NETO2: variants seen among roughly 807,000 people sequenced by gnomAD.
The protein encoded by NETO2 is neuropilin and tolloid like 2, also known as neuropilin and tolloid-like protein 2.
NETO2 carries 28 observed loss-of-function variants against 62.5 expected under a neutral mutation model. That is an observed-to-expected ratio of 0.45 (90% confidence interval 0.33 to 0.61). The LOEUF (loss-of-function observed/expected upper bound fraction) is 0.61, where lower values mean the gene tolerates loss of function less well. Among genes scored for constraint, NETO2 ranks in the 20% least tolerant of loss-of-function variants. NETO2 has a pLI of 0.02. For synonymous variants in NETO2, 214 were observed against 219.1 expected, an observed-to-expected ratio of 0.98 and a Z score of 0.21; for missense variants, 548 against 643.2, an observed-to-expected ratio of 0.85 and a Z score of 1.60.
chr16:47,142,766 A>G (rs1964486160), intron 1 of NETO2, among the ~76,000 whole-genome samples: 1 of 152,228 alleles, frequency 6.6e-6, no homozygotes. Flanking sequence ...ATAAATTTTC[A>G]TCTAAATTAC....
intron 7 of NETO2, among the ~76,000 whole-genome samples, chr16:47,106,565 T>C (rs1188005035): frequency 2.0e-5 from 3 of 152,172 alleles, no homozygotes; most frequent in African/African-American, 7.2e-5. Flanking sequence ...ATCCCACTTC[T>C]AGGAATTTAT....
At chr16:47,116,899 G>C (rs893838037) in intron 6 of NETO2, among the ~76,000 whole-genome samples, 6 of 152,164 alleles carry the variant, frequency 3.9e-5, no homozygotes, top group Non-Finnish European at 5.9e-5. Context: ...TTCTGGCATA[G>C]AGCTGTTCCC....
intron 4 of NETO2, among the ~76,000 whole-genome samples, chr16:47,126,975 A>G (rs1359535171): frequency 2.0e-5 from 3 of 152,354 alleles, no homozygotes; most frequent in South Asian, 4.1e-4. Flanking sequence ...TAATAAAGTT[A>G]TATGTGTACC....
intron 8 of NETO2, among the ~76,000 whole-genome samples, chr16:47,085,409 T>C (rs1466493186): frequency 1.3e-5 from 2 of 152,078 alleles, no homozygotes; most frequent in African/African-American, 4.8e-5. Flanking sequence ...AGACGGAGTT[T>C]TCACTTTTGT....
intron 8 of NETO2, among the ~76,000 whole-genome samples, chr16:47,085,111 C>T (rs759963489): frequency 2.6e-5 from 4 of 152,112 alleles, no homozygotes; most frequent in Non-Finnish European, 5.9e-5. Flanking sequence ...AGACATTCAA[C>T]CATTACCACA....
intron 7 of NETO2, among the ~76,000 whole-genome samples, chr16:47,097,504 A>C (rs1002712544): frequency 1.8e-4 from 27 of 152,230 alleles, no homozygotes; most frequent in Non-Finnish European, 3.1e-4. Flanking sequence ...CATCTCTGAA[A>C]GAAAGGCAGC....
intron 7 of NETO2, among the ~76,000 whole-genome samples, chr16:47,096,477 G>A (rs1963429633): frequency 6.6e-6 from 1 of 152,132 alleles, no homozygotes; most frequent in Non-Finnish European, 1.5e-5. Context: ...CTACAGATCT[G>A]ACGTATATAA....
chr16:47,088,909 C>T (rs931771106), intron 7 of NETO2, among the ~76,000 whole-genome samples: 3 of 152,274 alleles, frequency 2.0e-5, no homozygotes, highest in Middle Eastern at 3.4e-3. Context: ...AACTCCAAAA[C>T]ATAATCTGAC....
chr16:47,138,552 C>T lies in NETO2; in HGVS notation c.34+5027G>A, dbSNP rs530333371. ...TTAGTCACATGGTCACCTAAACCAA[C>T]AGGAAACTGGTAAATAGTCTTCATT... On this transcript the variant is annotated intron_variant, in intron 1 of 8. Coordinates refer to ENST00000562435, the MANE Select transcript of NETO2 (RefSeq NM_018092.5). 2.2e-3 allele frequency among the ~76,000 whole-genome samples: 333 copies of T among 152,344 alleles called. 1 individual carries two copies. Among genetic ancestry groups the T allele is most frequent in the African/African-American group, 7.7e-3 (322 of 41,576 alleles).
Position 47,110,352 on chromosome 16 carries a change from T to TTTTA in NETO2, c.655-645_655-642dup, listed in dbSNP as rs1171817451. Among the ~76,000 whole-genome samples the TTTTA allele has an allele frequency of 2.0e-5, 3 of 152,334 alleles. No individual in the cohort carries two copies. In the South Asian group the frequency reaches 6.2e-4, roughly 32 times the overall value. The stretch of plus-strand genomic sequence containing the variant: ...GCTCTATTAGCATCCCCCATTCAAA[T>TTTTA]TTTATAGCTAAATGGTTCTAAGTTA... On this transcript the variant is annotated intron_variant, in intron 6 of 8. Coordinates refer to ENST00000562435, the MANE Select transcript of NETO2 (RefSeq NM_018092.5).
At position 47,107,027 on chromosome 16, in the gene NETO2, C is replaced by T. The variant is rs1433820285; in HGVS notation, c.883+2456G>A. ...AAACTCCTGACCTCAAGTGATCCGC[C>T]GACCTTGGCCTCCCAAAGTGCTGGG... On this transcript the variant is annotated intron_variant, in intron 7 of 8. Transcript: ENST00000562435. Among the ~76,000 whole-genome samples, 6 of 152,276 alleles carry T rather than the reference C, an allele frequency of 3.9e-5. No homozygotes were observed. The South Asian group carries it at 8.3e-4, about 21-fold the overall frequency.
At chr16:47,114,514 G>A (rs1349178213) in intron 6 of NETO2, among the ~76,000 whole-genome samples, 1 of 119,108 alleles carries the variant, frequency 8.4e-6, no homozygotes, top group Non-Finnish European at 1.6e-5. Context: ...GCAGTGGCAT[G>A]ATCTCGGCTC....
chr16:47,100,796 T>C (rs552548148), intron 7 of NETO2, among the ~76,000 whole-genome samples: 1 of 152,190 alleles, frequency 6.6e-6, no homozygotes, highest in South Asian at 2.1e-4. Context: ...AGTTCTGAAA[T>C]TGAGGCAGTA....
At chr16:47,105,849 C>G (rs1963662453) in intron 7 of NETO2, among the ~76,000 whole-genome samples, 1 of 152,148 alleles carries the variant, frequency 6.6e-6, no homozygotes. Flanking sequence ...TGTGGAGAAA[C>G]TGGAACCCTC....
chr16:47,132,867 T>C (rs1055107271), intron 1 of NETO2, among the ~76,000 whole-genome samples: 8 of 152,204 alleles, frequency 5.3e-5, no homozygotes, highest in Non-Finnish European at 1.2e-4. Context: ...AGGAGTTTCA[T>C]GAATCTAGGC....
Position 47,077,944 on chromosome 16 carries a change from A to G in NETO2, c.*5277T>C, listed in dbSNP as rs557574738. On this transcript the variant is annotated 3_prime_UTR_variant, in exon 9 of 9. Transcript: ENST00000562435. Reference sequence around the variant, plus strand: ...TGAGGTATACTCATCCATGTTTCTAAGCTGTGTTATGGCTGGTGCACTGTG... The same window carrying G: ...TGAGGTATACTCATCCATGTTTCTAGGCTGTGTTATGGCTGGTGCACTGTG... 6.6e-6 allele frequency: 1 copy of G among 152,228 alleles called. No homozygotes were observed. The highest frequency in any genetic ancestry group is 1.5e-5 in the Non-Finnish European group (1 of 68,016). 9.4% of individuals were successfully genotyped at this position (152,228 alleles called of 1,614,324 possible). A position where few individuals can be genotyped will look rare whatever the true frequency, so the allele number is the denominator to read the frequency against.
Position 47,083,125 on chromosome 16 carries a change from T to A in NETO2, c.*96A>T. 1 of 1,075,238 alleles carries A rather than the reference T, an allele frequency of 9.3e-7. No individual in the cohort carries two copies. The highest frequency in any genetic ancestry group is 1.4e-6 in the Non-Finnish European group (1 of 734,112). 66.6% of individuals were successfully genotyped at this position (1,075,238 alleles called of 1,614,324 possible). On this transcript the variant is annotated 3_prime_UTR_variant, in exon 9 of 9. Transcript: ENST00000562435. ...CGGTAAATCAAGGTCTTCGTAGTTG[T>A]GATGGGAGAAAAGGGTTGGCTGCTG...
In NETO2 at chr16:47,081,517, T is replaced by C. The variant is rs1186675303; in HGVS notation, c.*1704A>G. On this transcript the variant is annotated 3_prime_UTR_variant, in exon 9 of 9. Coordinates refer to ENST00000562435, the MANE Select transcript of NETO2 (RefSeq NM_018092.5). ...CTTTTTTAAAAAACAAAAATTTTGA[T>C]ACAAGAAAGCACTCTGAGGCAGTAT... The C allele has an allele frequency of 6.6e-6, 1 of 152,544 alleles. No homozygotes were observed. Among genetic ancestry groups the C allele is most frequent in the Non-Finnish European group, 1.5e-5 (1 of 67,974 alleles). The allele number at this position is 152,544 out of a possible 1,614,324, so 9.4% of individuals were successfully genotyped here. A position where few individuals can be genotyped will look rare whatever the true frequency, so the allele number is the denominator to read the frequency against.
chr16:47,136,062 A>T (rs1236931922), intron 1 of NETO2, among the ~76,000 whole-genome samples: 1 of 152,224 alleles, frequency 6.6e-6, no homozygotes, highest in Non-Finnish European at 1.5e-5. Flanking sequence ...ATTTTAATCA[A>T]ACTCTTAGTG....
Sources: gnomAD v4.1 joint callset for allele counts (sites outside exome capture counted in the v4.1 genomes callset) on GRCh38, gnomAD v4.1.1 for gene constraint, MANE v1.5 for transcripts, NCBI Gene and HGNC (gene_info 2026-07-23, HGNC 2026-07-21) for gene names.